Variants in EXOSC1 observed in about 807,000 individuals in gnomAD.
The protein encoded by EXOSC1 is exosome complex component CSL4.
EXOSC1 carries 27 observed loss-of-function variants against 31.4 expected under a neutral mutation model. That is an observed-to-expected ratio of 0.86 (90% CI 0.63 to 1.18). The LOEUF is 1.18. Ranked by LOEUF, EXOSC1 falls within the 50% of genes most tolerant of loss-of-function variation. The pLI, the probability that EXOSC1 is intolerant of heterozygous loss-of-function variation, is 0.00. For synonymous variants in EXOSC1, 84 were observed against 89.5 expected (o/e 0.94, Z 0.35); for missense variants, 228 against 250.3 (o/e 0.91, Z 0.60).
At chr10:97,441,811 A>C (rs1266784007) in intron 3 of EXOSC1, among the ~76,000 whole-genome samples, 2 of 145,674 alleles carry the variant, frequency 1.4e-5, no homozygotes, top group Admixed American at 1.4e-4. Context: ...TTTTTTTTTA[A>C]ATCTTTTCAC....
intron 6 of EXOSC1, among the ~76,000 whole-genome samples, 161 bp from the exon 7 acceptor site, chr10:97,437,436 C>T (rs1845575176): frequency 6.6e-6 from 1 of 152,088 alleles, no homozygotes; most frequent in Non-Finnish European, 1.5e-5. Flanking sequence ...CAACCTCTGC[C>T]TCACAGGTTC....
intron 1 of EXOSC1, 36 bp downstream of exon 1, chr10:97,445,919 C>G (rs372931762): frequency 1.3e-5 from 21 of 1,614,008 alleles, no homozygotes; most frequent in Middle Eastern, 1.6e-4. Flanking sequence ...TGCTTCAGCC[C>G]CTATCCAGGA....
At chr10:97,445,646 C>A in intron 2 of EXOSC1, 86 bp downstream of exon 2, 2 of 1,247,186 alleles carry the variant, frequency 1.6e-6, no homozygotes, top group Non-Finnish European at 2.3e-6. Flanking sequence ...ACTAAAGACG[C>A]GTCCGCAGTG....
At chr10:97,442,628 C>G (rs528072725) in intron 3 of EXOSC1, among the ~76,000 whole-genome samples, 2 of 152,352 alleles carry the variant, frequency 1.3e-5, no homozygotes, top group East Asian at 3.9e-4. Flanking sequence ...CCTGCTTCAG[C>G]CTCCCAAGTA....
intron 1 of EXOSC1, 29 bp downstream of exon 1, chr10:97,445,926 A>AG: frequency 6.2e-7 from 1 of 1,613,890 alleles, no homozygotes; most frequent in Non-Finnish European, 8.5e-7. Context: ...GCCCCTATCC[A>AG]GGACTCTGTA....
chr10:97,439,265 A>T lies in EXOSC1; in HGVS notation c.312-562T>A, dbSNP rs557230019. ...AGGAATTTCGTTGCCTCAGGGCTTGAACAGAAGCACTATAGCAAGGGCCCC... is the reference window on the plus strand; with the variant it reads ...AGGAATTTCGTTGCCTCAGGGCTTGTACAGAAGCACTATAGCAAGGGCCCC... On this transcript the variant is annotated intron_variant, in intron 4 of 7. Transcript: ENST00000370902. Among the ~76,000 whole-genome samples, 68 of 152,276 alleles carry T rather than the reference A, an allele frequency of 4.5e-4. 1 individual carries two copies. The South Asian group carries it at 0.014, about 31-fold the overall frequency.
At chr10:97,442,210 A>G (rs187476525) in intron 3 of EXOSC1, among the ~76,000 whole-genome samples, 1 of 152,120 alleles carries the variant, frequency 6.6e-6, no homozygotes. Flanking sequence ...CAAAAAATAA[A>G]GTCTTTTGCT....
chr10:97,436,296 A>T lies in EXOSC1; in HGVS notation c.*149T>A. The T allele has an allele frequency of 1.6e-6, 1 of 632,868 alleles. No individual in the cohort carries two copies. 39.2% of individuals were successfully genotyped at this position (632,868 alleles called of 1,614,324 possible). A position where few individuals can be genotyped will look rare whatever the true frequency, so the allele number is the denominator to read the frequency against. On this transcript the variant is annotated 3_prime_UTR_variant, in exon 8 of 8. Coordinates refer to ENST00000370902, the MANE Select transcript of EXOSC1 (RefSeq NM_016046.5). ...GAGAATGAAATCCACTGATAGGTTC[A>T]CAGAAACATGTTCCATCTACAGCGT...
Position 97,436,151 on chromosome 10 carries a change from TAAA to T in EXOSC1, c.*291_*293del. On this transcript the variant is annotated 3_prime_UTR_variant, in exon 8 of 8. Transcript: ENST00000370902. ...AACAGACTCTATAACATCCTTTTAG[TAAA>T]AAAGTTTTATCATAGCAAAAAATAT... 3.2e-6 allele frequency: 1 copy of T among 316,258 alleles called. No individual in the cohort carries two copies. Among genetic ancestry groups the T allele is most frequent in the Non-Finnish European group, 5.9e-6 (1 of 169,214 alleles). The allele number at this position is 316,258 out of a possible 1,614,324, so 19.6% of individuals were successfully genotyped here.
intron 3 of EXOSC1, 108 bp from the exon 4 acceptor site, chr10:97,441,367 G>A: frequency 2.6e-6 from 2 of 772,292 alleles, no homozygotes; most frequent in Non-Finnish European, 4.2e-6. Flanking sequence ...ACCCTACTAA[G>A]TAGAGAATTT....
intron 5 of EXOSC1, among the ~76,000 whole-genome samples, chr10:97,438,067 A>G (rs7074007): frequency 0.48 from 72,485 of 151,514 alleles, 18,137 homozygotes; most frequent in African/African-American, 0.63. Context: ...TTATAGGTGC[A>G]TGGCACGACA....
chr10:97,445,920 C>G, intron 1 of EXOSC1, 35 bp downstream of exon 1: 1 of 1,613,866 alleles, frequency 6.2e-7, no homozygotes, highest in South Asian at 1.1e-5. Context: ...GCTTCAGCCC[C>G]TATCCAGGAC....
At chr10:97,441,605 C>T (rs1003081941) in intron 3 of EXOSC1, among the ~76,000 whole-genome samples, 1 of 151,098 alleles carries the variant, frequency 6.6e-6, no homozygotes, top group African/African-American at 2.4e-5. Context: ...ATTCTCCTGC[C>T]TTAGCCTCCT....
intron 2 of EXOSC1, chr10:97,444,947 T>C (rs1845866333): frequency 6.6e-6 from 1 of 152,096 alleles, no homozygotes; most frequent in Non-Finnish European, 1.5e-5. Flanking sequence ...ATACGGATGG[T>C]ATGGTGGTAG....
intron 5 of EXOSC1, among the ~76,000 whole-genome samples, chr10:97,438,417 C>T (rs975133421): frequency 1.3e-5 from 2 of 151,976 alleles, no homozygotes; most frequent in African/African-American, 4.8e-5. Context: ...CAGCCACATC[C>T]TCTCAAGCAG....
chr10:97,444,379 ATC>A (rs1305498775), intron 2 of EXOSC1: 3 of 152,044 alleles, frequency 2.0e-5, no homozygotes, highest in Admixed American at 2.0e-4. Flanking sequence ...CCACTTTCAG[ATC>A]TCTCTTCAAC....
At chr10:97,443,397 C>G (rs908662976) in intron 2 of EXOSC1, 86 bp from the exon 3 acceptor site, 2 of 1,182,260 alleles carry the variant, frequency 1.7e-6, no homozygotes, top group Non-Finnish European at 2.5e-6. Context: ...ATAGGAATGT[C>G]TTGGTATAAA....
chr10:97,436,592 AT>A (rs1845544994), intron 7 of EXOSC1, 41 bp from the exon 8 acceptor site: 18 of 1,543,026 alleles, frequency 1.2e-5, no homozygotes, highest in Non-Finnish European at 1.3e-5. Flanking sequence ...GACCCCAAAG[AT>A]TTGCCTGCGA....
chr10:97,437,607 G>T lies in EXOSC1; in HGVS notation c.396+93C>A. ...AGGTGATCCACCCGCCCTGGCCTCCGAAAGTGCTGGGATTACAGGCATGAG... is the reference window on the plus strand; with the variant it reads ...AGGTGATCCACCCGCCCTGGCCTCCTAAAGTGCTGGGATTACAGGCATGAG... On this transcript the variant is annotated intron_variant, in intron 6 of 7. Transcript: ENST00000370902. 33 of 1,244,042 alleles carry T rather than the reference G, an allele frequency of 2.7e-5. No homozygotes were observed. In the South Asian group the frequency reaches 3.9e-4, roughly 15 times the overall value. The allele number at this position is 1,244,042 out of a possible 1,614,324, so 77.1% of individuals were successfully genotyped here.
Sources: allele counts gnomAD v4.1 joint callset (sites outside exome capture counted in the v4.1 genomes callset), GRCh38; gene constraint gnomAD v4.1.1; transcripts MANE v1.5; gene names NCBI Gene and HGNC (gene_info 2026-07-23, HGNC 2026-07-21).